NUP210: variants seen among roughly 807,000 people sequenced by gnomAD.
The protein encoded by NUP210 is nuclear pore membrane glycoprotein 210.
Under a neutral mutation model 196.0 loss-of-function variants are expected in NUP210, and 151 were observed. The ratio of observed to expected loss-of-function variants is 0.77; its 90% confidence interval spans 0.67 to 0.88. The LOEUF (loss-of-function observed/expected upper bound fraction) is 0.88, where lower values mean the gene tolerates loss of function less well. Among genes scored for constraint, NUP210 ranks in the 40% least tolerant of loss-of-function variants. NUP210 has a pLI of 0.00. For missense variants in NUP210, 2,314 were observed against 2,493.7 expected (o/e 0.93, Z 1.53); for synonymous variants, 1,070 against 1,052.7 (o/e 1.02, Z -0.32).
At chr3:13,330,273 C>T (rs1296459011) in intron 30 of NUP210, among the ~76,000 whole-genome samples, 187 bp downstream of exon 30, 1 of 152,214 alleles carries the variant, frequency 6.6e-6, no homozygotes, top group Non-Finnish European at 1.5e-5. Flanking sequence ...CAAGGATCTT[C>T]GGCTCTGATG....
rs1696444171 is a variant in NUP210 at position 13,319,886 on chromosome 3, G to A, written c.5260C>T (p.Pro1754Ser). 3 of 1,614,068 alleles carry A rather than the reference G, an allele frequency of 1.9e-6. No individual in the cohort carries two copies. Among genetic ancestry groups the A allele is most frequent in the Non-Finnish European group, 2.5e-6 (3 of 1,180,018 alleles). Reference sequence around the variant, plus strand: ...AGAGGCCCTTGGCTGCCAGCCGCGGGGTCCAAGACGCCGACCGTGTATGTG... The same window carrying A: ...AGAGGCCCTTGGCTGCCAGCCGCGGAGTCCAAGACGCCGACCGTGTATGTG... Reference protein sequence around the residue: ...FITYTVGVLDPAAGSQGPLST... With the variant: ...FITYTVGVLDSAAGSQGPLST... Residue 1754 changes from proline to serine, a missense_variant, in exon 37 of 40, where the codon CCC (proline) becomes TCC (serine). Coordinates refer to ENST00000254508, the MANE Select transcript of NUP210 (RefSeq NM_024923.4).
chr3:13,369,439 A>G (rs780790874), intron 13 of NUP210, among the ~76,000 whole-genome samples: 1 of 152,004 alleles, frequency 6.6e-6, no homozygotes, highest in African/African-American at 2.4e-5. Context: ...CAGTTTGTCT[A>G]TTTTTAATTT....
intron 1 of NUP210, among the ~76,000 whole-genome samples, chr3:13,408,210 T>C (rs1700057681): frequency 6.6e-6 from 1 of 152,246 alleles, no homozygotes; most frequent in Non-Finnish European, 1.5e-5. Flanking sequence ...CTTGCATTCC[T>C]GGGATATGCC....
At chr3:13,374,200 ACC>A (rs1698825484) in intron 11 of NUP210, among the ~76,000 whole-genome samples, 1 of 151,834 alleles carries the variant, frequency 6.6e-6, no homozygotes, top group Non-Finnish European at 1.5e-5. Context: ...ACACTCATAC[ACC>A]TACTCATTCG....
chr3:13,333,374 C>CTCT (rs1697078763), intron 28 of NUP210, among the ~76,000 whole-genome samples: 4 of 152,238 alleles, frequency 2.6e-5, no homozygotes, highest in Admixed American at 2.6e-4. Context: ...GTGCCCTGAG[C>CTCT]TCTCCACTGG....
At chr3:13,321,877 C>A (rs565778880) in intron 35 of NUP210, 42 bp from the exon 36 acceptor site, 2 of 1,583,272 alleles carry the variant, frequency 1.3e-6, no homozygotes, top group South Asian at 1.1e-5. Context: ...CTCTCCTGCC[C>A]GTGCACTGAT....
chr3:13,325,421 T>A (rs1170052949), intron 33 of NUP210, among the ~76,000 whole-genome samples: 1 of 152,118 alleles, frequency 6.6e-6, no homozygotes, highest in African/African-American at 2.4e-5. Flanking sequence ...GACAGCAGGT[T>A]TTGTCGCCTC....
rs948263884 is a variant in NUP210, at chr3:13,337,897, C to T, written c.3492G>A (p.Val1164=). 2.5e-6 allele frequency: 4 copies of T among 1,612,936 alleles called. No individual in the cohort carries two copies. The highest frequency in any genetic ancestry group is 1.1e-5 in the South Asian group (1 of 90,998). The stretch of plus-strand genomic sequence containing the variant: ...GGATCCTCACGGCCCTTAGCAGCAG[C>T]ACCTCCACCTGCACGAGGTCCTGGG... ...IISQDLVQVE[V]LLLRAVRIRA... Residue 1164 remains valine (V), a synonymous_variant, in exon 26 of 40, where the codon GTG becomes GTA. Coordinates refer to ENST00000254508, the MANE Select transcript of NUP210 (RefSeq NM_024923.4).
chr3:13,377,531 C>A lies in NUP210; in HGVS notation c.1077G>T (p.Val359=), dbSNP rs765947318. 3.1e-6 allele frequency: 5 copies of A among 1,613,790 alleles called. No homozygotes were observed. In the Admixed American group the frequency reaches 8.3e-5, roughly 27 times the overall value. The part of the protein sequence containing the change: ...GFTVHPGDRW[V]LETGRLYEIT... ...TTTCATACAGGCGGCCGGTCTCCAG[C>A]ACCCACCTGTCACCAGGGTGAACAG... Residue 359 remains valine, a synonymous_variant, in exon 9 of 40, where the codon GTG becomes GTT. Coordinates refer to ENST00000254508, the MANE Select transcript of NUP210 (RefSeq NM_024923.4).
At chr3:13,337,986 C>T (rs1697294422) in intron 25 of NUP210, 69 bp from the exon 26 acceptor site, 2 of 1,437,892 alleles carry the variant, frequency 1.4e-6, no homozygotes, top group Admixed American at 1.9e-5. Context: ...GGAAGGGACC[C>T]CTCAAGGGAA....
chr3:13,379,164 G>A lies in NUP210; in HGVS notation c.977-184C>T, dbSNP rs1284728270. 2.0e-5 allele frequency among the ~76,000 whole-genome samples: 3 copies of A among 152,184 alleles called. No individual in the cohort carries two copies. Among genetic ancestry groups the A allele is most frequent in the East Asian group, 3.8e-4 (2 of 5,196 alleles). ...TTTTCAGAATCAAAGGCCACACTGCGCTTGCCACACTAGCAAAGGGGAATC... is the reference window on the plus strand; with the variant it reads ...TTTTCAGAATCAAAGGCCACACTGCACTTGCCACACTAGCAAAGGGGAATC... On this transcript the variant is annotated intron_variant, in intron 7 of 39. Transcript: ENST00000254508. This position sits in a 1 kb window ranked among gnomAD's most constrained non-coding sequence, Gnocchi z 4.2.
At chr3:13,381,366 G>A (rs188005381) in intron 6 of NUP210, among the ~76,000 whole-genome samples, 6 of 151,914 alleles carry the variant, frequency 3.9e-5, no homozygotes, top group African/African-American at 1.4e-4. Flanking sequence ...AAAATAAGGA[G>A]GATTTTGTGA....
intron 1 of NUP210, among the ~76,000 whole-genome samples, chr3:13,411,040 T>C (rs1471443238): frequency 2.6e-5 from 4 of 151,382 alleles, no homozygotes; most frequent in African/African-American, 7.3e-5. Context: ...TGTGCAATAG[T>C]GAGTCTCTAA....
intron 6 of NUP210, among the ~76,000 whole-genome samples, chr3:13,385,935 A>G (rs994645392): frequency 7.2e-5 from 11 of 152,238 alleles, no homozygotes; most frequent in African/African-American, 2.7e-4. Flanking sequence ...AAAAAGTGAT[A>G]TAAGCCAGTT....
At chr3:13,363,215 T>C (rs1267696011) in intron 14 of NUP210, among the ~76,000 whole-genome samples, 1 of 152,168 alleles carries the variant, frequency 6.6e-6, no homozygotes. Context: ...ATCCCCACTT[T>C]ATAGACAGCA....
chr3:13,377,302 G>A (rs1432801358), intron 9 of NUP210, among the ~76,000 whole-genome samples, 154 bp downstream of exon 9: 1 of 152,146 alleles, frequency 6.6e-6, no homozygotes, highest in African/African-American at 2.4e-5. Flanking sequence ...CCTCAGCACT[G>A]TTTCCCACAG....
At chr3:13,360,549 C>A (rs1267201796) in intron 14 of NUP210, 58 bp from the exon 15 acceptor site, 1 of 1,392,972 alleles carries the variant, frequency 7.2e-7, no homozygotes, top group South Asian at 1.3e-5. Flanking sequence ...GGGCAGGAGC[C>A]GGGCATCCCA....
chr3:13,316,514 C>A lies in NUP210; in HGVS notation c.*1167G>T, dbSNP rs1255739420. 6.6e-6 allele frequency: 1 copy of A among 152,298 alleles called. No individual in the cohort carries two copies. Among genetic ancestry groups the A allele is most frequent in the Admixed American group, 6.5e-5 (1 of 15,290 alleles). The allele number at this position is 152,298 out of a possible 1,614,324, so 9.4% of individuals were successfully genotyped here. A position where few individuals can be genotyped will look rare whatever the true frequency, so the allele number is the denominator to read the frequency against. ...CCAGCCTCGGCCTGGAGCACAGGGG[C>A]CTGTGATCTGAGAATCTCAGATCCA... On this transcript the variant is annotated 3_prime_UTR_variant, in exon 40 of 40. Coordinates refer to ENST00000254508, the MANE Select transcript of NUP210 (RefSeq NM_024923.4).
Position 13,317,522 on chromosome 3 carries a change from G to A in NUP210, c.*159C>T, listed in dbSNP as rs1049112466. ...ATAAAATGAGCTAATGGGCAGAGCC[G>A]AAACTACAGCTCTGTGTGAAGAGAC... On this transcript the variant is annotated 3_prime_UTR_variant, in exon 40 of 40. Transcript: ENST00000254508. 3.7e-5 allele frequency: 23 copies of A among 621,444 alleles called. No homozygotes were observed. The highest frequency in any genetic ancestry group is 4.2e-4 in the Middle Eastern group (1 of 2,382). 38.5% of individuals were successfully genotyped at this position (621,444 alleles called of 1,614,324 possible).
Sources: gnomAD v4.1 joint callset for allele counts (sites outside exome capture counted in the v4.1 genomes callset) on GRCh38, gnomAD v4.1.1 for gene constraint, Gnocchi (gnomAD v3.1) non-coding constraint, MANE v1.5 for transcripts, NCBI Gene and HGNC (gene_info 2026-07-23, HGNC 2026-07-21) for gene names.